The following HDAC2 variants were observed in gnomAD, a reference collection of about 807,000 sequenced individuals.
HDAC2 encodes YY1-associated factor 1.
Under a neutral mutation model 68.5 loss-of-function variants are expected in HDAC2, and 5 were observed. The ratio of observed to expected loss-of-function variants is 0.07; its 90% CI spans 0.04 to 0.15. The LOEUF (loss-of-function observed/expected upper bound fraction) is 0.15, where lower values mean the gene tolerates loss of function less well. Among genes scored for constraint, HDAC2 ranks in the 10% least tolerant of loss-of-function variants. HDAC2 has a pLI of 1.00. For synonymous variants in HDAC2, 182 were observed against 191.3 expected, an observed-to-expected ratio of 0.95 and a Z score of 0.40; for missense variants, 291 against 600.8, an observed-to-expected ratio of 0.48 and a Z score of 5.39.
At position 113,952,062 on chromosome 6, in the gene HDAC2, C is replaced by G. The variant is rs550365419; in HGVS notation, c.639+1215G>C. On this transcript the variant is annotated intron_variant, in intron 6 of 13. Coordinates refer to ENST00000519065, the MANE Select transcript of HDAC2 (RefSeq NM_001527.4). ...TGTAATGGTTGTTGACAAATGTATTCTATCAGTTTACAGCAGTGGTTCTCA... is the reference window on the plus strand; with the variant it reads ...TGTAATGGTTGTTGACAAATGTATTGTATCAGTTTACAGCAGTGGTTCTCA... Among the ~76,000 whole-genome samples the G allele has an allele frequency of 1.8e-3, 271 of 152,278 alleles. 1 individual carries two copies. The highest frequency in any genetic ancestry group is 6.3e-3 in the African/African-American group (263 of 41,552).
rs2114582482 is a variant in HDAC2 at position 113,939,037 on chromosome 6, C to T, written c.*2021G>A. On this transcript the variant is annotated 3_prime_UTR_variant, in exon 14 of 14. Transcript: ENST00000519065. ...AAAATGAACTATACTTAACATGTGT[C>T]AACAGGGGTAGATCAGAATATTAAA... is the stretch of plus-strand genomic sequence containing the variant. The T allele has an allele frequency of 6.6e-6, 1 of 152,296 alleles. No homozygotes were observed. Among genetic ancestry groups the T allele is most frequent in the East Asian group, 1.9e-4 (1 of 5,192 alleles). 9.4% of individuals were successfully genotyped at this position (152,296 alleles called of 1,614,324 possible).
chr6:113,950,701 G>A (rs202245297), intron 6 of HDAC2, among the ~76,000 whole-genome samples: 1 of 73,426 alleles, frequency 1.4e-5, no homozygotes, highest in Admixed American at 1.5e-4. Context: ...TGAGTGGGGT[G>A]GGGGGGGGGT....
chr6:113,955,540 C>T (rs1446770743), intron 5 of HDAC2, among the ~76,000 whole-genome samples: 1 of 151,864 alleles, frequency 6.6e-6, no homozygotes, highest in East Asian at 1.9e-4. Context: ...TTTTTTAAGG[C>T]AGGGTCTCAC....
Position 113,960,453 on chromosome 6 carries a change from G to A in HDAC2, c.53-435C>T, listed in dbSNP as rs181906400. On this transcript the variant is annotated intron_variant, in intron 1 of 13. Transcript: ENST00000519065. ...GCATTTCAGAAATCTCATAATTGGC[G>A]TTTTGCATGTTAAAACATACCGTGT... Among the ~76,000 whole-genome samples the A allele has an allele frequency of 2.6e-5, 4 of 152,042 alleles. No homozygotes were observed. In the East Asian group the frequency reaches 5.8e-4, roughly 22 times the overall value.
At position 113,937,446 on chromosome 6, in the gene HDAC2, T is replaced by G. The variant is rs950233251; in HGVS notation, c.*3612A>C. The G allele has an allele frequency of 2.6e-5, 4 of 152,194 alleles. No homozygotes were observed. The highest frequency in any genetic ancestry group is 9.6e-5 in the African/African-American group (4 of 41,454). 9.4% of individuals were successfully genotyped at this position (152,194 alleles called of 1,614,324 possible). On this transcript the variant is annotated 3_prime_UTR_variant, in exon 14 of 14. Transcript: ENST00000519065. ...CTTAGAACAGCATTCACCCATGCCA[T>G]AGAGAACTGAGACAATGTGGCACCT...
intron 6 of HDAC2, among the ~76,000 whole-genome samples, chr6:113,950,097 T>C (rs551629723): frequency 2.6e-5 from 4 of 152,138 alleles, no homozygotes; most frequent in Non-Finnish European, 5.9e-5. Flanking sequence ...TTGTTCTTAA[T>C]TGGACTTGGA....
At chr6:113,955,752 C>A (rs935212250) in intron 5 of HDAC2, among the ~76,000 whole-genome samples, 4 of 152,054 alleles carry the variant, frequency 2.6e-5, no homozygotes, top group Admixed American at 2.6e-4. Context: ...CTCAAGAGAT[C>A]CGCCCACCTC....
intron 1 of HDAC2, 185 bp downstream of exon 1, chr6:113,970,672 G>C (rs1337557736): frequency 1.5e-6 from 2 of 1,351,342 alleles, no homozygotes; most frequent in Non-Finnish European, 1.9e-6. Flanking sequence ...CGCAGGAACC[G>C]CGGGGGCTGC....
intron 5 of HDAC2, chr6:113,955,784 T>G (rs1776538671): frequency 2.5e-6 from 1 of 403,696 alleles, no homozygotes; most frequent in South Asian, 5.8e-5. Context: ...GTGGAGGGAT[T>G]ACAGGCCTGG....
In HDAC2 at chr6:113,941,750, T is replaced by C. The variant is rs773732526; in HGVS notation, c.1394A>G (p.Asp465Gly). ...TTCACCACTGTTGTCCTTGGATTTA[T>C]CTTCTTCCTTAACGTCTAAAAATAA... ...EDKKTDVKEE[D>G]KSKDNSGEKT... Residue 465 changes from aspartate to glycine, a missense_variant, in exon 13 of 14, where the codon GAT becomes GGT. Coordinates refer to ENST00000519065, the MANE Select transcript of HDAC2 (RefSeq NM_001527.4). The C allele has an allele frequency of 1.4e-6, 2 of 1,422,662 alleles. No individual in the cohort carries two copies. Among genetic ancestry groups the C allele is most frequent in the Admixed American group, 3.9e-5 (2 of 51,194 alleles). 88.1% of individuals were successfully genotyped at this position (1,422,662 alleles called of 1,614,324 possible). A position where few individuals can be genotyped will look rare whatever the true frequency, so the allele number is the denominator to read the frequency against.
Position 113,945,318 on chromosome 6 carries a change from T to A in HDAC2, c.1091+44A>T, listed in dbSNP as rs761354084. ...GGCCCTTTAAAGCATACTAAATCTTTGTCAAGATAAAATGTTTATCAAAAC... is the reference window on the plus strand; with the variant it reads ...GGCCCTTTAAAGCATACTAAATCTTAGTCAAGATAAAATGTTTATCAAAAC... On this transcript the variant is annotated intron_variant, in intron 10 of 13. Transcript: ENST00000519065. The A allele has an allele frequency of 6.5e-6, 6 of 929,724 alleles. No homozygotes were observed. In the Admixed American group the frequency reaches 1.1e-4, roughly 18 times the overall value. The allele number at this position is 929,724 out of a possible 1,614,324, so 57.6% of individuals were successfully genotyped here.
At chr6:113,958,079 G>A (rs955724250) in intron 3 of HDAC2, among the ~76,000 whole-genome samples, 6 of 152,104 alleles carry the variant, frequency 3.9e-5, no homozygotes, top group Non-Finnish European at 8.8e-5. Flanking sequence ...ATGAACTTTG[G>A]TATCAAGCTT....
intron 5 of HDAC2, 102 bp from the exon 6 acceptor site, chr6:113,953,520 G>A: frequency 1.5e-6 from 1 of 663,524 alleles, no homozygotes; most frequent in Non-Finnish European, 2.6e-6. Flanking sequence ...TTGCATTCCA[G>A]AATGTTTAAT....
chr6:113,935,712 A>G lies in HDAC2; in HGVS notation c.*5346T>C. The G allele has an allele frequency of 6.6e-6, 1 of 152,212 alleles. No homozygotes were observed. Among genetic ancestry groups the G allele is most frequent in the East Asian group, 1.9e-4 (1 of 5,198 alleles). The allele number at this position is 152,212 out of a possible 1,614,324, so 9.4% of individuals were successfully genotyped here. ...TATACATTTCTTTAACATTTAGAGT[A>G]AAAACAATCTTAATAAAAAGAGCAA... On this transcript the variant is annotated 3_prime_UTR_variant, in exon 14 of 14. Transcript: ENST00000519065.
At chr6:113,948,520 G>A (rs904449157) in intron 8 of HDAC2, 3 of 153,806 alleles carry the variant, frequency 2.0e-5, no homozygotes, top group African/African-American at 7.2e-5. Flanking sequence ...AACTGGATAA[G>A]CTGAAAAGTG....
chr6:113,957,914 T>A (rs776015333), intron 3 of HDAC2, among the ~76,000 whole-genome samples: 1 of 151,870 alleles, frequency 6.6e-6, no homozygotes, highest in Non-Finnish European at 1.5e-5. Context: ...AAAAAAAAAA[T>A]TAAATACTAC....
At chr6:113,965,009 A>G (rs182411985) in intron 1 of HDAC2, among the ~76,000 whole-genome samples, 1 of 152,362 alleles carries the variant, frequency 6.6e-6, no homozygotes, top group East Asian at 1.9e-4. Context: ...ATTACATTTT[A>G]TATGGACCAA....
Position 113,938,505 on chromosome 6 carries a change from G to A in HDAC2, c.*2553C>T, listed in dbSNP as rs1223916817. 1 of 152,116 alleles carries A rather than the reference G, an allele frequency of 6.6e-6. No individual in the cohort carries two copies. The highest frequency in any genetic ancestry group is 2.4e-5 in the African/African-American group (1 of 41,426). 9.4% of individuals were successfully genotyped at this position (152,116 alleles called of 1,614,324 possible). On this transcript the variant is annotated 3_prime_UTR_variant, in exon 14 of 14. Coordinates refer to ENST00000519065, the MANE Select transcript of HDAC2 (RefSeq NM_001527.4). ...CTTCTTCAATCCATTTGCTTTAAGA[G>A]TTTAGGTTTTTGGTAGTTTTATCTT...
At position 113,934,300 on chromosome 6, in the gene HDAC2, T is replaced by A. The variant is rs1018040498; in HGVS notation, c.*6758A>T. On this transcript the variant is annotated 3_prime_UTR_variant, in exon 14 of 14. Transcript: ENST00000519065. ...TGATCAATTTGTGACATCAGACAGG[T>A]AAAAGACGGAGTGCTGGAAAAGCAT... The A allele has an allele frequency of 6.6e-6, 1 of 152,208 alleles. No homozygotes were observed. The highest frequency in any genetic ancestry group is 1.5e-5 in the Non-Finnish European group (1 of 68,028). 9.4% of individuals were successfully genotyped at this position (152,208 alleles called of 1,614,324 possible). A position where few individuals can be genotyped will look rare whatever the true frequency, so the allele number is the denominator to read the frequency against.
Sources: allele counts gnomAD v4.1 joint callset (sites outside exome capture counted in the v4.1 genomes callset), GRCh38; gene constraint gnomAD v4.1.1; transcripts MANE v1.5; gene names NCBI Gene and HGNC (gene_info 2026-07-23, HGNC 2026-07-21).